Variants in DMGDH observed in about 807,000 individuals in gnomAD.
DMGDH encodes dimethylglycine dehydrogenase, mitochondrial.
Under a neutral mutation model 95.2 loss-of-function variants are expected in DMGDH, and 76 were observed. The ratio of observed to expected loss-of-function variants is 0.80; its 90% CI spans 0.66 to 0.97. The LOEUF (loss-of-function observed/expected upper bound fraction) is 0.97, where lower values mean the gene tolerates loss of function less well. Ranked by LOEUF, DMGDH falls within the 50% of genes least tolerant of loss-of-function variation. DMGDH has a pLI of 0.00. For missense variants in DMGDH, 987 were observed against 1,055.0 expected, an observed-to-expected ratio of 0.94 and a Z score of 0.89; for synonymous variants, 345 against 377.6, an observed-to-expected ratio of 0.91 and a Z score of 1.00.
intron 5 of DMGDH, among the ~76,000 whole-genome samples, chr5:79,046,546 C>A (rs1373531678): frequency 6.6e-6 from 1 of 152,100 alleles, no homozygotes; most frequent in Non-Finnish European, 1.5e-5. Context: ...TATCACCATG[C>A]CTGGCTAATT....
chr5:79,028,664 A>C lies in DMGDH; in HGVS notation c.1815-14T>G. The C allele has an allele frequency of 1.2e-6, 2 of 1,613,092 alleles. No individual in the cohort carries two copies. Among genetic ancestry groups the C allele is most frequent in the Non-Finnish European group, 8.5e-7 (1 of 1,179,120 alleles). On this transcript the variant is annotated splice_polypyrimidine_tract_variant and intron_variant, in intron 11 of 15. Coordinates refer to ENST00000255189, the MANE Select transcript of DMGDH (RefSeq NM_013391.3). ...TCTTCAATCCATCTGCGTTTTAGTC[A>C]TGAACATGGTGTTAAATATTGCTTG...
chr5:79,029,990 T>C lies in DMGDH; in HGVS notation c.1728A>G (p.Arg576=), dbSNP rs755711429. Reference sequence around the variant, plus strand: ...GAGAAACAGTCAGCTCAGCATACACTCGACCCTTGGGTGTTAACATGTGAC... The same window carrying C: ...GAGAAACAGTCAGCTCAGCATACACCCGACCCTTGGGTGTTAACATGTGAC... ...NISHMLTPKG[R]VYAELTVSHQ... The change falls in exon 11 of 16, where the codon CGA becomes CGG. Residue 576 remains arginine (R), a synonymous_variant. Transcript: ENST00000255189. The C allele has an allele frequency of 1.9e-6, 3 of 1,613,988 alleles. No homozygotes were observed. The Admixed American group carries it at 5.0e-5, about 27-fold the overall frequency.
rs1204626065 is a variant in DMGDH at position 79,045,317 on chromosome 5, G to A, written c.746-765C>T. Among the ~76,000 whole-genome samples the A allele has an allele frequency of 3.3e-5, 5 of 152,080 alleles. No homozygotes were observed. The South Asian group carries it at 1.0e-3, about 32-fold the overall frequency. ...CCAGACGAATGTTTCCCACTTCACC[G>A]TTAGCACAGAGATTGTTTTATTTGC... On this transcript the variant is annotated intron_variant, in intron 5 of 15. Coordinates refer to ENST00000255189, the MANE Select transcript of DMGDH (RefSeq NM_013391.3).
At chr5:79,006,344 G>A (rs1408934256) in intron 14 of DMGDH, among the ~76,000 whole-genome samples, 1 of 152,112 alleles carries the variant, frequency 6.6e-6, no homozygotes, top group Non-Finnish European at 1.5e-5. Context: ...GAGACACTTA[G>A]CTAATAAGGG....
chr5:79,007,260 T>C (rs1753566264), intron 14 of DMGDH, among the ~76,000 whole-genome samples: 1 of 152,208 alleles, frequency 6.6e-6, no homozygotes, highest in African/African-American at 2.4e-5. Flanking sequence ...ACAATACCAC[T>C]TTAAGCTGTG....
intron 7 of DMGDH, among the ~76,000 whole-genome samples, chr5:79,041,501 T>C (rs1320422585): frequency 1.3e-5 from 2 of 152,112 alleles, no homozygotes; most frequent in Non-Finnish European, 2.9e-5. Flanking sequence ...TGAGGACTTA[T>C]AAAGAAACAA....
intron 1 of DMGDH, among the ~76,000 whole-genome samples, chr5:79,064,057 G>T (rs1410099789): frequency 6.6e-6 from 1 of 151,922 alleles, no homozygotes; most frequent in East Asian, 1.9e-4. Context: ...TTTTTTCAAA[G>T]AATCTAGAGA....
intron 14 of DMGDH, chr5:79,021,100 T>A: frequency 2.0e-6 from 2 of 986,132 alleles, no homozygotes; most frequent in Non-Finnish European, 2.4e-6. Context: ...GGTGAAGCGT[T>A]TTTAGTTAAG....
intron 14 of DMGDH, among the ~76,000 whole-genome samples, chr5:79,010,778 G>A (rs73771379): frequency 2.0e-5 from 3 of 152,158 alleles, no homozygotes; most frequent in Admixed American, 6.5e-5. Flanking sequence ...TCCCAGTAAA[G>A]CTTCCTTGGG....
intron 14 of DMGDH, among the ~76,000 whole-genome samples, chr5:79,014,152 T>TA (rs1244850307): frequency 2.6e-5 from 4 of 152,162 alleles, no homozygotes; most frequent in Admixed American, 6.5e-5. Flanking sequence ...AAAAGGGGGA[T>TA]AAAATAGAAA....
intron 9 of DMGDH, among the ~76,000 whole-genome samples, chr5:79,031,650 G>A (rs1390311916): frequency 6.6e-6 from 1 of 152,188 alleles, no homozygotes; most frequent in Non-Finnish European, 1.5e-5. Context: ...TAATGACAGA[G>A]CCAGACCTGG....
At chr5:79,043,741 C>G (rs1473998414) in intron 6 of DMGDH, among the ~76,000 whole-genome samples, 4 of 152,148 alleles carry the variant, frequency 2.6e-5, no homozygotes, top group Non-Finnish European at 4.4e-5. Flanking sequence ...AGAACCATCT[C>G]CCTTAAAGAA....
chr5:79,027,188 T>C (rs1754025460), intron 12 of DMGDH, among the ~76,000 whole-genome samples: 1 of 152,112 alleles, frequency 6.6e-6, no homozygotes. Context: ...TTTTGTTTTT[T>C]TGTCTTGTTT....
At chr5:79,048,057 C>A (rs1329577054) in intron 5 of DMGDH, among the ~76,000 whole-genome samples, 1 of 152,084 alleles carries the variant, frequency 6.6e-6, no homozygotes, top group Admixed American at 6.5e-5. Flanking sequence ...AGTCTGGTAC[C>A]AAGAAGCTAT....
rs540287110 is a variant in DMGDH at position 79,001,042 on chromosome 5, A to T, written c.2386-2745T>A. The T allele has an allele frequency of 3.2e-5, 22 of 679,586 alleles. No individual in the cohort carries two copies. In the African/African-American group the frequency reaches 3.8e-4, roughly 12 times the overall value. 42.1% of individuals were successfully genotyped at this position (679,586 alleles called of 1,614,324 possible). A position where few individuals can be genotyped will look rare whatever the true frequency, so the allele number is the denominator to read the frequency against. On this transcript the variant is annotated intron_variant, in intron 15 of 15. Transcript: ENST00000255189. ...TTGGCACAGTCATCAATGACACACCATTCCTCGCCATCAATGGCTACCATT... is the reference window on the plus strand; with the variant it reads ...TTGGCACAGTCATCAATGACACACCTTTCCTCGCCATCAATGGCTACCATT...
intron 5 of DMGDH, 81 bp from the exon 6 acceptor site, chr5:79,044,633 T>A (rs1561223331): frequency 2.0e-6 from 3 of 1,514,832 alleles, no homozygotes; most frequent in Non-Finnish European, 2.7e-6. Flanking sequence ...TATATTAGAA[T>A]AAAATGTTTA....
chr5:79,009,705 G>C (rs897243545), intron 14 of DMGDH, among the ~76,000 whole-genome samples: 1 of 152,100 alleles, frequency 6.6e-6, no homozygotes, highest in Non-Finnish European at 1.5e-5. Flanking sequence ...CAGACAGGAG[G>C]CTGCACCTGC....
intron 14 of DMGDH, among the ~76,000 whole-genome samples, chr5:79,010,962 G>C (rs1423356600): frequency 1.3e-5 from 2 of 152,150 alleles, no homozygotes; most frequent in Non-Finnish European, 2.9e-5. Context: ...ATTTAGAATG[G>C]ATTTTGGATC....
At chr5:79,068,457 C>T (rs2112685096) in intron 1 of DMGDH, among the ~76,000 whole-genome samples, 1 of 152,180 alleles carries the variant, frequency 6.6e-6, no homozygotes, top group Middle Eastern at 3.4e-3. Context: ...GGAAACTGAA[C>T]CTCAGAAGTG....
Sources: allele counts gnomAD v4.1 joint callset (sites outside exome capture counted in the v4.1 genomes callset), GRCh38; gene constraint gnomAD v4.1.1; transcripts MANE v1.5; gene names NCBI Gene and HGNC (gene_info 2026-07-23, HGNC 2026-07-21).